The following FAM222B variants were observed in gnomAD, a reference collection of about 807,000 sequenced individuals.
The protein encoded by FAM222B is family with sequence similarity 222 member B.
A neutral mutation model predicts 38.0 loss-of-function variants in FAM222B; 12 were observed. The ratio of observed to expected loss-of-function variants is 0.32; its 90% CI spans 0.20 to 0.51. FAM222B has a LOEUF of 0.51. Ranked by LOEUF, FAM222B falls within the 20% of genes least tolerant of loss-of-function variation. The pLI, the probability that FAM222B is intolerant of heterozygous loss-of-function variation, is 0.97. For missense variants in FAM222B, 716 were observed against 754.2 expected, an observed-to-expected ratio of 0.95 and a Z score of 0.59; for synonymous variants, 329 against 317.2, an observed-to-expected ratio of 1.04 and a Z score of -0.40.
chr17:28,775,747 G>A (rs751640473), intron 1 of FAM222B, among the ~76,000 whole-genome samples: 47 of 151,782 alleles, frequency 3.1e-4, no homozygotes, highest in Non-Finnish European at 6.0e-4. Context: ...CGGGCATGGT[G>A]GCTCGAGACT....
intron 1 of FAM222B, among the ~76,000 whole-genome samples, chr17:28,781,199 G>A (rs542750428): frequency 1.3e-5 from 2 of 152,258 alleles, no homozygotes; most frequent in South Asian, 2.1e-4. Flanking sequence ...TCGGGAGACT[G>A]AGGTGGGGGG....
chr17:28,758,829 C>A lies in FAM222B; in HGVS notation c.1130G>T (p.Cys377Phe). 1 of 1,596,974 alleles carries A rather than the reference C, an allele frequency of 6.3e-7. No homozygotes were observed. ...QHQLAHLQQM[C>F]SEASGTPAPG... ...GGCTGGCGTCCCACTAGCCTCGCTG[C>A]ACATCTGCTGTAGGTGGGCCAGCTG... The change falls in exon 3 of 3, where the codon TGC (cysteine) becomes TTC (phenylalanine). Residue 377 changes from cysteine to phenylalanine, a missense_variant. By Grantham distance (205) the Cys-to-Phe change is radical. Transcript: ENST00000581407.
chr17:28,803,349 C>T (rs927610964), intron 1 of FAM222B, among the ~76,000 whole-genome samples: 4 of 151,870 alleles, frequency 2.6e-5, no homozygotes, highest in Non-Finnish European at 5.9e-5. Flanking sequence ...GCTCTCTCAC[C>T]CTGCTCTCTC....
At chr17:28,786,930 A>T (rs1440568863) in intron 1 of FAM222B, among the ~76,000 whole-genome samples, 2 of 111,160 alleles carry the variant, frequency 1.8e-5, no homozygotes, top group South Asian at 3.1e-4. Context: ...TTTGAGACAG[A>T]GTCTCGCTCT....
chr17:28,827,078 T>A (rs2038467585), intron 1 of FAM222B, among the ~76,000 whole-genome samples: 1 of 152,046 alleles, frequency 6.6e-6, no homozygotes, highest in Non-Finnish European at 1.5e-5. Flanking sequence ...GCCCAGGAGT[T>A]TGAGGTTGCA....
chr17:28,766,595 G>T lies in FAM222B; in HGVS notation c.73C>A (p.Leu25Ile). 1 of 1,599,508 alleles carries T rather than the reference G, an allele frequency of 6.3e-7. No homozygotes were observed. The highest frequency in any genetic ancestry group is 2.2e-5 in the East Asian group (1 of 44,454). ...LLSHTQMNTG[L>I]QKWDTTQKMR... ...GATCCAGATTACTTACATTTCTGAA[G>T]TCCAGTGTTCATCTGCGTGTGAGAA... The change falls in exon 2 of 3, where the codon CTT becomes ATT. Residue 25 changes from leucine to isoleucine, a missense_variant. Transcript: ENST00000581407.
chr17:28,830,842 A>G (rs1490909117), intron 1 of FAM222B, among the ~76,000 whole-genome samples: 3 of 151,374 alleles, frequency 2.0e-5, no homozygotes, highest in Admixed American at 6.6e-5. Flanking sequence ...AATAAAATAA[A>G]ATAAAGTTAA....
intron 1 of FAM222B, among the ~76,000 whole-genome samples, chr17:28,851,594 T>C (rs1386493695): frequency 1.3e-5 from 2 of 149,360 alleles, no homozygotes; most frequent in African/African-American, 4.9e-5. Flanking sequence ...ATACAGAAAT[T>C]AGGCTAGGTG....
chr17:28,829,530 A>C (rs2038583439), intron 1 of FAM222B, among the ~76,000 whole-genome samples: 1 of 152,282 alleles, frequency 6.6e-6, no homozygotes, highest in South Asian at 2.1e-4. Context: ...CTGTCCTTAT[A>C]GTTGAGTTTT....
In FAM222B at chr17:28,758,512, C is replaced by G; in HGVS notation, c.1447G>C (p.Ala483Pro). The change falls in exon 3 of 3, where the codon GCA becomes CCA. Residue 483 changes from alanine (A) to proline (P), a missense_variant. Coordinates refer to ENST00000581407, the MANE Select transcript of FAM222B (RefSeq NM_001077498.3). The part of the protein sequence containing the change: ...MPFHGGQPTG[A>P]PLDCAAAPGA... ...GGAGCTGCCGCACAGTCGAGGGGTG[C>G]ACCTGTGGGCTGCCCACCGTGGAAC... is the stretch of plus-strand genomic sequence containing the variant. 6.2e-7 allele frequency: 1 copy of G among 1,611,764 alleles called. No individual in the cohort carries two copies. The highest frequency in any genetic ancestry group is 1.3e-5 in the African/African-American group (1 of 75,022).
chr17:28,815,875 G>A (rs1225613864), intron 1 of FAM222B, among the ~76,000 whole-genome samples: 1 of 151,654 alleles, frequency 6.6e-6, no homozygotes, highest in Non-Finnish European at 1.5e-5. Context: ...GCTGAGGTAG[G>A]AGAATCGCTT....
chr17:28,836,986 C>T (rs2038865938), intron 1 of FAM222B, among the ~76,000 whole-genome samples: 2 of 151,930 alleles, frequency 1.3e-5, no homozygotes, highest in Admixed American at 6.6e-5. Flanking sequence ...GGCATAGTGG[C>T]GGGCACCTGT....
chr17:28,842,517 G>A (rs1439790461), intron 1 of FAM222B, among the ~76,000 whole-genome samples, 165 bp downstream of exon 1: 2 of 152,026 alleles, frequency 1.3e-5, no homozygotes, highest in African/African-American at 2.4e-5. Context: ...TGCGGCCGGC[G>A]ACCGGGCCAC....
At chr17:28,849,309 C>A (rs968698461) in intron 1 of FAM222B, 1 of 151,700 alleles carries the variant, frequency 6.6e-6, no homozygotes, top group African/African-American at 2.4e-5. Flanking sequence ...CTGTAATTGA[C>A]ACTTAGCGAT....
At chr17:28,787,134 C>A (rs2036453861) in intron 1 of FAM222B, among the ~76,000 whole-genome samples, 1 of 151,984 alleles carries the variant, frequency 6.6e-6, no homozygotes, top group Non-Finnish European at 1.5e-5. Flanking sequence ...ACCATGTTAG[C>A]CAGGATGGTA....
intron 1 of FAM222B, among the ~76,000 whole-genome samples, chr17:28,781,886 AC>A (rs1489933970): frequency 1.3e-5 from 2 of 152,194 alleles, no homozygotes; most frequent in Non-Finnish European, 2.9e-5. Flanking sequence ...GGAGAAGGAA[AC>A]AAAATTTTAG....
chr17:28,781,190 C>T (rs575130192), intron 1 of FAM222B, among the ~76,000 whole-genome samples: 98 of 152,026 alleles, frequency 6.4e-4, no homozygotes, highest in Middle Eastern at 6.8e-3. Flanking sequence ...CCCAGCTACT[C>T]GGGAGACTGA....
intron 1 of FAM222B, among the ~76,000 whole-genome samples, chr17:28,778,719 A>ATATTT (rs1411311023): frequency 2.4e-4 from 6 of 25,494 alleles, no homozygotes; most frequent in African/African-American, 9.1e-4. Flanking sequence ...ATATATATAT[A>ATATTT]TTTTTTTTTT....
intron 1 of FAM222B, among the ~76,000 whole-genome samples, chr17:28,768,287 G>C (rs1214297052): frequency 6.6e-6 from 1 of 152,172 alleles, no homozygotes; most frequent in Non-Finnish European, 1.5e-5. Context: ...GGCTCTCTCA[G>C]GTATATTAAA....
Sources: gnomAD v4.1 joint callset for allele counts (sites outside exome capture counted in the v4.1 genomes callset) on GRCh38, gnomAD v4.1.1 for gene constraint, MANE v1.5 for transcripts, NCBI Gene and HGNC (gene_info 2026-07-23, HGNC 2026-07-21) for gene names.